The following PBX1 variants were observed in gnomAD, a reference collection of about 807,000 sequenced individuals.
PBX1 encodes the protein PBX homeobox 1.
A neutral mutation model predicts 53.4 loss-of-function variants in PBX1; 6 were observed. The ratio of observed to expected loss-of-function variants is 0.11; its 90% CI spans 0.06 to 0.22. PBX1 has a LOEUF of 0.22. PBX1 is among the 10% of genes least tolerant of loss of function. The pLI, the probability that PBX1 is intolerant of heterozygous loss-of-function variation, is 1.00. For synonymous variants in PBX1, 204 were observed against 212.3 expected, an observed-to-expected ratio of 0.96 and a Z score of 0.34; for missense variants, 251 against 551.4, an observed-to-expected ratio of 0.46 and a Z score of 5.46.
chr1:164,630,683 T>C (rs1036188591), intron 2 of PBX1, among the ~76,000 whole-genome samples: 2 of 152,178 alleles, frequency 1.3e-5, no homozygotes, highest in African/African-American at 4.8e-5. Context: ...TTAAATAAAA[T>C]AGAACCTTCT....
intron 2 of PBX1, among the ~76,000 whole-genome samples, chr1:164,741,469 G>T (rs1665597806): frequency 6.6e-6 from 1 of 152,136 alleles, no homozygotes; most frequent in Non-Finnish European, 1.5e-5. Context: ...CAAGAACAAT[G>T]GTATACTAGG....
Position 164,571,376 on chromosome 1 carries a change from C to T in PBX1, c.265+8065C>T, listed in dbSNP as rs145591026. ...CCCTTCACCTAGTCCCTGGTAACCACTAACCTACTTGCTGTCTTTGTGGTT... is the reference window on the plus strand; with the variant it reads ...CCCTTCACCTAGTCCCTGGTAACCATTAACCTACTTGCTGTCTTTGTGGTT... On this transcript the variant is annotated intron_variant, in intron 2 of 8. Transcript: ENST00000420696. Among the ~76,000 whole-genome samples, 28 of 152,314 alleles carry T rather than the reference C, an allele frequency of 1.8e-4. 1 individual carries two copies. Among genetic ancestry groups the T allele is most frequent in the Middle Eastern group, 6.8e-3 (2 of 294 alleles).
intron 2 of PBX1, among the ~76,000 whole-genome samples, chr1:164,623,352 T>A (rs1394236872): frequency 6.6e-6 from 1 of 152,104 alleles, no homozygotes; most frequent in East Asian, 1.9e-4. Context: ...GAGGGCGTGG[T>A]GTGGGAATGG....
rs563256209 is a variant in PBX1 at position 164,622,127 on chromosome 1, G to A, written c.265+58816G>A. Among the ~76,000 whole-genome samples the A allele has an allele frequency of 3.7e-4, 56 of 152,222 alleles. No homozygotes were observed. In the South Asian group the frequency reaches 0.011, roughly 30 times the overall value. On this transcript the variant is annotated intron_variant, in intron 2 of 8. Coordinates refer to ENST00000420696, the MANE Select transcript of PBX1 (RefSeq NM_002585.4). ...AAATGCTGAGTATACTCTTCTTTCC[G>A]TGTGGGCCCAGGAGGCAAGGCTAGG... is the stretch of plus-strand genomic sequence containing the variant.
chr1:164,875,424 T>G (rs141914894), intron 2 of PBX1, among the ~76,000 whole-genome samples: 8 of 152,244 alleles, frequency 5.3e-5, no homozygotes, highest in African/African-American at 1.4e-4. Context: ...CACTTCAGCC[T>G]CCCTTGTAGC....
intron 2 of PBX1, among the ~76,000 whole-genome samples, chr1:164,652,423 CT>C (rs1659887323): frequency 6.6e-6 from 1 of 152,042 alleles, no homozygotes; most frequent in Non-Finnish European, 1.5e-5. Context: ...AAGCATTTTC[CT>C]TTATATTATT....
At chr1:164,682,949 C>G (rs372033932) in intron 2 of PBX1, 1 of 152,100 alleles carries the variant, frequency 6.6e-6, no homozygotes, top group African/African-American at 2.4e-5. Flanking sequence ...TTCCCATAGG[C>G]GAGTACTGCT....
intron 6 of PBX1, 39 bp downstream of exon 6, chr1:164,812,188 G>C: frequency 6.4e-7 from 1 of 1,569,840 alleles, no homozygotes; most frequent in East Asian, 2.3e-5. Flanking sequence ...GGAAGGAATT[G>C]TTCTCCATTT....
intron 2 of PBX1, among the ~76,000 whole-genome samples, chr1:164,592,930 T>C (rs7528246): frequency 0.011 from 1,694 of 152,208 alleles, 7 homozygotes; most frequent in Non-Finnish European, 0.017. Context: ...TTCCCAGCAT[T>C]TGTATGTAGC....
chr1:164,691,447 C>T (rs746398438), intron 2 of PBX1, among the ~76,000 whole-genome samples: 2 of 152,180 alleles, frequency 1.3e-5, no homozygotes, highest in African/African-American at 4.8e-5. Context: ...GTAATTTTCT[C>T]TCTGTGATAA....
intron 2 of PBX1, among the ~76,000 whole-genome samples, chr1:164,736,260 G>A (rs1015321725): frequency 2.6e-5 from 4 of 152,082 alleles, no homozygotes; most frequent in Admixed American, 1.3e-4. Flanking sequence ...AAATAGCTGC[G>A]GGGGAGGCAT....
intron 2 of PBX1, among the ~76,000 whole-genome samples, chr1:164,754,491 G>C (rs1342559495): frequency 6.6e-6 from 1 of 152,206 alleles, no homozygotes; most frequent in African/African-American, 2.4e-5. Context: ...CTTAGCGGGA[G>C]AAAGAGTGAC....
rs115412021 is a variant in PBX1, at chr1:164,865,254, G to C, written n.257+33771G>C. Among the ~76,000 whole-genome samples, 1,128 of 152,294 alleles carry C rather than the reference G, an allele frequency of 7.4e-3. 10 individuals carry two copies. Among genetic ancestry groups the C allele is most frequent in the African/African-American group, 0.026 (1,090 of 41,552 alleles). On this transcript the variant is annotated intron_variant and non_coding_transcript_variant, in intron 2 of 2. Coordinates refer to the PBX1 transcript ENST00000558796. ...AGCCAGTTCTCATTAAATGTGTGTT[G>C]AATGAATGGATCCGTTTATGCTGCC... is the stretch of plus-strand genomic sequence containing the variant.
At chr1:164,571,049 T>A (rs145585658) in intron 2 of PBX1, among the ~76,000 whole-genome samples, 1 of 152,242 alleles carries the variant, frequency 6.6e-6, no homozygotes, top group East Asian at 1.9e-4. Flanking sequence ...CACTGTTTGA[T>A]AGAAGACAAC....
At chr1:164,752,094 C>A (rs2102197625) in intron 2 of PBX1, among the ~76,000 whole-genome samples, 1 of 152,054 alleles carries the variant, frequency 6.6e-6, no homozygotes, top group South Asian at 2.1e-4. Flanking sequence ...TTGGCAAAGT[C>A]ACCAACACTA....
At chr1:164,633,836 A>G (rs1425968266) in intron 2 of PBX1, among the ~76,000 whole-genome samples, 2 of 152,216 alleles carry the variant, frequency 1.3e-5, no homozygotes, top group Non-Finnish European at 2.9e-5. Flanking sequence ...CGGAGTTAAT[A>G]CACAGAAAGC....
chr1:164,720,154 A>G (rs1428741282), intron 2 of PBX1, among the ~76,000 whole-genome samples: 1 of 152,144 alleles, frequency 6.6e-6, no homozygotes, highest in African/African-American at 2.4e-5. Context: ...CAGGTCCAAA[A>G]CTGTGTTTTT....
intron 2 of PBX1, among the ~76,000 whole-genome samples, chr1:164,617,047 A>G (rs2792258): frequency 0.45 from 68,304 of 151,974 alleles, 15,588 homozygotes; most frequent in East Asian, 0.53. Flanking sequence ...ATAAAATAGT[A>G]TAACTTCATC....
chr1:164,701,242 G>T (rs1401532792), intron 2 of PBX1, among the ~76,000 whole-genome samples: 3 of 152,124 alleles, frequency 2.0e-5, no homozygotes, highest in African/African-American at 7.2e-5. Context: ...GTACTTTCTT[G>T]TTGATCTGTT....
Sources: gnomAD v4.1 joint callset for allele counts (sites outside exome capture counted in the v4.1 genomes callset) on GRCh38, gnomAD v4.1.1 for gene constraint, MANE v1.5 for transcripts, NCBI Gene and HGNC (gene_info 2026-07-23, HGNC 2026-07-21) for gene names.